The following CPSF7 variants were observed in gnomAD, a reference collection of about 807,000 sequenced individuals.
CPSF7 encodes the protein cleavage and polyadenylation specific factor 7.
A neutral mutation model predicts 44.3 loss-of-function variants in CPSF7; 1 was observed. The observed-to-expected ratio is 0.02, with a 90% confidence interval of 0.01 to 0.11. CPSF7 has a LOEUF of 0.11. CPSF7 is among the 10% of genes least tolerant of loss of function. CPSF7 has a pLI of 1.00. For missense variants in CPSF7, 443 were observed against 607.2 expected (o/e 0.73, Z 2.84); for synonymous variants, 202 against 222.0 (o/e 0.91, Z 0.80).
intron 2 of CPSF7, 150 bp downstream of exon 2, chr11:61,429,032 G>C: frequency 3.6e-6 from 2 of 549,478 alleles, no homozygotes; most frequent in Admixed American, 2.6e-5. Context: ...ATGGAGTGTA[G>C]TCTTTAAAGT....
intron 6 of CPSF7, 128 bp downstream of exon 6, chr11:61,415,977 A>G (rs1313021987): frequency 4.1e-6 from 4 of 977,320 alleles, no homozygotes; most frequent in Non-Finnish European, 6.0e-6. Context: ...CCCAGGAGTC[A>G]ATGCTATGAT....
Position 61,410,745 on chromosome 11 carries a change from G to GA in CPSF7, c.*5+192dup, listed in dbSNP as rs1859777666. 1.2e-5 allele frequency: 6 copies of GA among 497,088 alleles called. No homozygotes were observed. The South Asian group carries it at 1.8e-4, about 15-fold the overall frequency. The allele number at this position is 497,088 out of a possible 1,614,324, so 30.8% of individuals were successfully genotyped here. ...GGTTAAGGCAGTCAAGAAACAAGCA[G>GA]AAACAGCTGAATCTCAGGGTAAGAC... On this transcript the variant is annotated intron_variant, in intron 9 of 9. Transcript: ENST00000439958.
At chr11:61,412,003 A>T in intron 7 of CPSF7, 66 bp from the exon 8 acceptor site, 1 of 1,442,978 alleles carries the variant, frequency 6.9e-7, no homozygotes, top group Non-Finnish European at 9.7e-7. Context: ...GACCAAAAGG[A>T]GAACTCAGGC....
chr11:61,416,117 T>G lies in CPSF7; in HGVS notation c.926A>C (p.Asn309Thr). The change falls in exon 6 of 10, where the codon AAC (asparagine) becomes ACC (threonine). Residue 309 changes from asparagine to threonine, a missense_variant. Physicochemically the swap from Asn to Thr is moderately conservative, Grantham distance 65. Coordinates refer to ENST00000439958, the MANE Select transcript of CPSF7 (RefSeq NM_001142565.3). ...CAATAGTCCTTACCTGCCATGGTGGTTATAGGGGGCAGAGGCCTTCATGTA... is the reference window on the plus strand; with the variant it reads ...CAATAGTCCTTACCTGCCATGGTGGGTATAGGGGGCAGAGGCCTTCATGTA... Reference protein sequence around the residue: ...DTYMKASAPYNHHGSRDSGPP... With the variant: ...DTYMKASAPYTHHGSRDSGPP... The G allele has an allele frequency of 6.7e-7, 1 of 1,500,508 alleles. No homozygotes were observed. Among genetic ancestry groups the G allele is most frequent in the Non-Finnish European group, 8.9e-7 (1 of 1,126,416 alleles). The allele number at this position is 1,500,508 out of a possible 1,614,324, so 92.9% of individuals were successfully genotyped here. A position where few individuals can be genotyped will look rare whatever the true frequency, so the allele number is the denominator to read the frequency against.
At chr11:61,420,174 T>G in intron 4 of CPSF7, 80 bp from the exon 5 acceptor site, 1 of 1,178,296 alleles carries the variant, frequency 8.5e-7, no homozygotes, top group African/African-American at 1.5e-5. Context: ...CCACTTTTAG[T>G]AAAAATTGAT....
chr11:61,423,936 G>C (rs1338230822), intron 2 of CPSF7, among the ~76,000 whole-genome samples: 1 of 152,206 alleles, frequency 6.6e-6, no homozygotes, highest in African/African-American at 2.4e-5. Flanking sequence ...AAGGGGGAAG[G>C]ATTCTACTTC....
At chr11:61,412,769 T>A (rs1200835090) in intron 7 of CPSF7, among the ~76,000 whole-genome samples, 3 of 152,248 alleles carry the variant, frequency 2.0e-5, no homozygotes, top group African/African-American at 7.2e-5. Context: ...TAAGGATCAA[T>A]AAATGTTATG....
At chr11:61,409,720 A>G (rs1458953898) in intron 9 of CPSF7, among the ~76,000 whole-genome samples, 1 of 151,680 alleles carries the variant, frequency 6.6e-6, no homozygotes, top group East Asian at 1.9e-4. Context: ...TCACGCCTGT[A>G]ATCCTAGCAC....
At chr11:61,418,559 G>GT (rs933459169) in intron 5 of CPSF7, among the ~76,000 whole-genome samples, 3 of 152,160 alleles carry the variant, frequency 2.0e-5, no homozygotes, top group Non-Finnish European at 4.4e-5. Context: ...CAGAATACTT[G>GT]TGTCGGCTGG....
intron 9 of CPSF7, chr11:61,410,672 T>G: frequency 3.5e-6 from 1 of 289,196 alleles, no homozygotes; most frequent in Non-Finnish European, 6.4e-6. Context: ...GAAACTGGGA[T>G]TCAAATTGGT....
intron 7 of CPSF7, among the ~76,000 whole-genome samples, chr11:61,413,621 C>T (rs1860048434): frequency 6.9e-6 from 1 of 144,668 alleles, no homozygotes; most frequent in South Asian, 2.2e-4. Flanking sequence ...GCAATAGAGC[C>T]AGACTTCGTC....
At chr11:61,421,291 G>T in intron 3 of CPSF7, 99 bp downstream of exon 3, 1 of 1,118,612 alleles carries the variant, frequency 8.9e-7, no homozygotes, top group Non-Finnish European at 1.3e-6. Flanking sequence ...AACCCCATCA[G>T]AGCACAAAAC....
chr11:61,429,583 G>A, intron 1 of CPSF7: 4 of 704,068 alleles, frequency 5.7e-6, no homozygotes, highest in Non-Finnish European at 6.8e-6. Flanking sequence ...CTAGGACGGC[G>A]TTGCGAAGAA....
intron 2 of CPSF7, among the ~76,000 whole-genome samples, chr11:61,423,651 G>A (rs1861101947): frequency 6.6e-6 from 1 of 152,160 alleles, no homozygotes; most frequent in Non-Finnish European, 1.5e-5. Flanking sequence ...AATAAAGGAG[G>A]CACCTAAGTT....
chr11:61,425,044 T>A (rs1343898662), intron 2 of CPSF7, among the ~76,000 whole-genome samples: 1 of 152,224 alleles, frequency 6.6e-6, no homozygotes, highest in Non-Finnish European at 1.5e-5. Flanking sequence ...TAGGATAGAC[T>A]AGATCCTGGA....
rs551061469 is a variant in CPSF7, at chr11:61,429,110, C to G, written c.54+72G>C. 72 of 915,638 alleles carry G rather than the reference C, an allele frequency of 7.9e-5. 1 individual carries two copies. In the South Asian group the frequency reaches 8.5e-4, roughly 11 times the overall value. The allele number at this position is 915,638 out of a possible 1,614,324, so 56.7% of individuals were successfully genotyped here. A position where few individuals can be genotyped will look rare whatever the true frequency, so the allele number is the denominator to read the frequency against. On this transcript the variant is annotated intron_variant, in intron 2 of 9. Transcript: ENST00000439958. ...AGCCTAGGACTGGTACAGCTTGAAACCACTGCCAGTTTGCTGAAAATGATT... is the reference window on the plus strand; with the variant it reads ...AGCCTAGGACTGGTACAGCTTGAAAGCACTGCCAGTTTGCTGAAAATGATT...
intron 9 of CPSF7, among the ~76,000 whole-genome samples, chr11:61,409,071 T>C (rs928340958): frequency 2.0e-5 from 3 of 149,458 alleles, no homozygotes; most frequent in African/African-American, 7.4e-5. Context: ...GCCCAGGAGG[T>C]TGATGTTACA....
intron 5 of CPSF7, among the ~76,000 whole-genome samples, chr11:61,418,769 A>C (rs1399685989): frequency 6.6e-6 from 1 of 151,588 alleles, no homozygotes; most frequent in African/African-American, 2.4e-5. Context: ...CCCAGGCTGG[A>C]AGGCAGTGGT....
At chr11:61,419,374 G>A (rs865886189) in intron 5 of CPSF7, among the ~76,000 whole-genome samples, 13 of 152,132 alleles carry the variant, frequency 8.5e-5, no homozygotes, top group Non-Finnish European at 1.3e-4. Flanking sequence ...AAAACATTTG[G>A]TAATCAAAAG....
Sources: gnomAD v4.1 joint callset for allele counts (sites outside exome capture counted in the v4.1 genomes callset) on GRCh38, gnomAD v4.1.1 for gene constraint, MANE v1.5 for transcripts, NCBI Gene and HGNC (gene_info 2026-07-23, HGNC 2026-07-21) for gene names.